DERA: variants seen among roughly 807,000 people sequenced by gnomAD.
DERA encodes 2-deoxy-D-ribose 5-phosphate aldolase.
A neutral mutation model predicts 41.1 loss-of-function variants in DERA; 15 were observed. The ratio of observed to expected loss-of-function variants is 0.37; its 90% CI spans 0.24 to 0.56. The LOEUF (loss-of-function observed/expected upper bound fraction) is 0.56. DERA is among the 20% of genes least tolerant of loss of function. The pLI is 0.81. For synonymous variants in DERA, 139 were observed against 137.4 expected, an observed-to-expected ratio of 1.01 and a Z score of -0.08; for missense variants, 396 against 403.4, an observed-to-expected ratio of 0.98 and a Z score of 0.16.
At position 15,959,964 on chromosome 12, in the gene DERA, T is replaced by C. The variant is rs59802633; in HGVS notation, c.373+40T>C. ...GGCTTTTGTTGTTATTTTTTAAACA[T>C]GTTTCCAGTTCTTCATACAATGGGG... On this transcript the variant is annotated intron_variant, in intron 4 of 8. Transcript: ENST00000428559. The surrounding 1 kb of genome is among the most constrained non-coding windows in gnomAD (Gnocchi z 4.5). The C allele has an allele frequency of 3.3e-3, 4,782 of 1,450,324 alleles. 138 individuals carry two copies. In the African/African-American group the frequency reaches 0.059, roughly 18 times the overall value. 89.8% of individuals were successfully genotyped at this position (1,450,324 alleles called of 1,614,324 possible).
intron 4 of DERA, among the ~76,000 whole-genome samples, chr12:15,961,688 T>G (rs1565597255): frequency 6.6e-6 from 1 of 152,236 alleles, no homozygotes. Flanking sequence ...GTTCAGTTTT[T>G]GCTTTAAACA....
At position 15,982,553 on chromosome 12, in the gene DERA, G is replaced by A. The variant is rs1005550812; in HGVS notation, c.637+117G>A. The A allele has an allele frequency of 3.4e-5, 36 of 1,056,902 alleles. No homozygotes were observed. Among genetic ancestry groups the A allele is most frequent in the Middle Eastern group, 3.3e-4 (1 of 3,076 alleles). The allele number at this position is 1,056,902 out of a possible 1,614,324, so 65.5% of individuals were successfully genotyped here. A position where few individuals can be genotyped will look rare whatever the true frequency, so the allele number is the denominator to read the frequency against. On this transcript the variant is annotated intron_variant, in intron 6 of 8. Transcript: ENST00000428559. The surrounding 1 kb of genome is among the most constrained non-coding windows in gnomAD (Gnocchi z 4.0). ...TGCTAACCACTTGGAATTTTTTTGC[G>A]GGAGGAATCGGATATTTTGTAAAAA...
Position 15,911,485 on chromosome 12 carries a change from G to A in DERA, c.31+71G>A. 2.2e-6 allele frequency: 3 copies of A among 1,362,568 alleles called. No homozygotes were observed. Among genetic ancestry groups the A allele is most frequent in the Non-Finnish European group, 2.9e-6 (3 of 1,040,650 alleles). 84.4% of individuals were successfully genotyped at this position (1,362,568 alleles called of 1,614,324 possible). ...CGCCGCCGGGACTAGCGCGGGGCCTGCTGCCGCCCAGTGCCCTGGCTGTGG... is the reference window on the plus strand; with the variant it reads ...CGCCGCCGGGACTAGCGCGGGGCCTACTGCCGCCCAGTGCCCTGGCTGTGG... On this transcript the variant is annotated intron_variant, in intron 1 of 8. Coordinates refer to ENST00000428559, the MANE Select transcript of DERA (RefSeq NM_015954.4). This position sits in a 1 kb window ranked among gnomAD's most constrained non-coding sequence, Gnocchi z 4.5.
rs920653366 is a variant in DERA at position 16,021,866 on chromosome 12, A to G, written c.638-10676A>G. On this transcript the variant is annotated intron_variant, in intron 6 of 8. Transcript: ENST00000428559. This position sits in a 1 kb window ranked among gnomAD's most constrained non-coding sequence, Gnocchi z 5.3. ...TTTGCCACAATTGTATCTTGGAAGT[A>G]TAACTTGTTTTTGATCTCAGGCTGA... is the stretch of plus-strand genomic sequence containing the variant. Among the ~76,000 whole-genome samples the G allele has an allele frequency of 1.3e-5, 2 of 152,172 alleles. No individual in the cohort carries two copies. Among genetic ancestry groups the G allele is most frequent in the African/African-American group, 4.8e-5 (2 of 41,432 alleles).
At position 15,996,644 on chromosome 12, in the gene DERA, C is replaced by T. The variant is rs1948840074; in HGVS notation, c.637+14208C>T. Among the ~76,000 whole-genome samples the T allele has an allele frequency of 6.6e-6, 1 of 152,124 alleles. No homozygotes were observed. Among genetic ancestry groups the T allele is most frequent in the South Asian group, 2.1e-4 (1 of 4,824 alleles). ...CCCTCTTTCCAAATAAGGTCTCTTC[C>T]TGAGGTATTGAGGGGTGAGATTTTG... On this transcript the variant is annotated intron_variant, in intron 6 of 8. Transcript: ENST00000428559. This position sits in a 1 kb window ranked among gnomAD's most constrained non-coding sequence, Gnocchi z 4.7.
intron 1 of DERA, among the ~76,000 whole-genome samples, chr12:15,916,677 T>A (rs1200857157): frequency 1.3e-5 from 2 of 151,996 alleles, no homozygotes; most frequent in Non-Finnish European, 1.5e-5. Flanking sequence ...TCTTGAACTC[T>A]TGACCTCAGG....
chr12:16,019,782 A>G lies in DERA; in HGVS notation c.638-12760A>G, dbSNP rs547928594. On this transcript the variant is annotated intron_variant, in intron 6 of 8. Transcript: ENST00000428559. The surrounding 1 kb of genome is among the most constrained non-coding windows in gnomAD (Gnocchi z 4.4). ...TGATCCTTTGTAATTCTTATTGATC[A>G]TAATACTTACTGGGCATATGATATA... 2.0e-5 allele frequency among the ~76,000 whole-genome samples: 3 copies of G among 152,300 alleles called. No homozygotes were observed. The South Asian group carries it at 6.2e-4, about 32-fold the overall frequency.
At position 15,935,246 on chromosome 12, in the gene DERA, G is replaced by A. The variant is rs149338305; in HGVS notation, c.32-21690G>A. On this transcript the variant is annotated intron_variant, in intron 1 of 8. Transcript: ENST00000428559. This position sits in a 1 kb window ranked among gnomAD's most constrained non-coding sequence, Gnocchi z 4.8. Reference sequence around the variant, plus strand: ...TCATGCCTGTAATCTCAGCACTTTGGGAGGCTGAGGTGGGTGGATCACTTG... The same window carrying A: ...TCATGCCTGTAATCTCAGCACTTTGAGAGGCTGAGGTGGGTGGATCACTTG... 4.2e-3 allele frequency among the ~76,000 whole-genome samples: 645 copies of A among 152,230 alleles called. No homozygotes were observed. Among genetic ancestry groups the A allele is most frequent in the Admixed American group, 6.5e-3 (100 of 15,300 alleles).
At chr12:15,960,289 C>T (rs990731377) in intron 4 of DERA, among the ~76,000 whole-genome samples, 1 of 149,616 alleles carries the variant, frequency 6.7e-6, no homozygotes, top group Non-Finnish European at 1.5e-5. Context: ...TATATACATA[C>T]TAACACACAC....
rs1231087081 is a variant in DERA, at chr12:15,984,640, C to T, written c.637+2204C>T. On this transcript the variant is annotated intron_variant, in intron 6 of 8. Coordinates refer to ENST00000428559, the MANE Select transcript of DERA (RefSeq NM_015954.4). This position sits in a 1 kb window ranked among gnomAD's most constrained non-coding sequence, Gnocchi z 4.5. ...ATCACTATTTGAACACTCTGGTCTT[C>T]TGGCTCCAGATTTATTGCTTTTTCA... is the stretch of plus-strand genomic sequence containing the variant. 6.6e-6 allele frequency among the ~76,000 whole-genome samples: 1 copy of T among 152,102 alleles called. No individual in the cohort carries two copies. The highest frequency in any genetic ancestry group is 1.9e-4 in the East Asian group (1 of 5,182).
Position 15,998,341 on chromosome 12 carries a change from G to A in DERA, c.637+15905G>A, listed in dbSNP as rs985560061. On this transcript the variant is annotated intron_variant, in intron 6 of 8. Transcript: ENST00000428559. The surrounding 1 kb of genome is among the most constrained non-coding windows in gnomAD (Gnocchi z 4.8). The stretch of plus-strand genomic sequence containing the variant: ...TTTATTTATTTATTTATTTAGAGAC[G>A]GAGTCTAGCTGTGTCGCCCAGGCTA... Among the ~76,000 whole-genome samples the A allele has an allele frequency of 4.6e-5, 7 of 151,834 alleles. No homozygotes were observed. Among genetic ancestry groups the A allele is most frequent in the Admixed American group, 1.3e-4 (2 of 15,226 alleles).
rs899234727 is a variant in DERA, at chr12:16,017,954, T to A, written c.638-14588T>A. On this transcript the variant is annotated intron_variant, in intron 6 of 8. Transcript: ENST00000428559. This position sits in a 1 kb window ranked among gnomAD's most constrained non-coding sequence, Gnocchi z 5.5. Reference sequence around the variant, plus strand: ...GAAGTATAAAATGTTAATAATACCTTCCACTGTGCTGTTCTTTTGTAGCAT... The same window carrying A: ...GAAGTATAAAATGTTAATAATACCTACCACTGTGCTGTTCTTTTGTAGCAT... Among the ~76,000 whole-genome samples the A allele has an allele frequency of 6.6e-6, 1 of 152,194 alleles. No individual in the cohort carries two copies. Among genetic ancestry groups the A allele is most frequent in the Non-Finnish European group, 1.5e-5 (1 of 68,014 alleles).
intron 5 of DERA, among the ~76,000 whole-genome samples, chr12:15,968,087 T>C (rs75664194): frequency 6.2e-5 from 5 of 80,652 alleles, no homozygotes; most frequent in Non-Finnish European, 1.5e-4. Flanking sequence ...CTTCTTCTTC[T>C]TTTTTTTTTT....
intron 5 of DERA, among the ~76,000 whole-genome samples, chr12:15,977,075 T>A (rs1459950339): frequency 1.3e-5 from 2 of 152,138 alleles, no homozygotes; most frequent in African/African-American, 2.4e-5. Context: ...AAATTTAGTA[T>A]CTTATGTTTC....
Position 15,911,468 on chromosome 12 carries a change from G to A in DERA, c.31+54G>A. ...CTCTCCCTCGCGTTCAGCGCCGCCG[G>A]GACTAGCGCGGGGCCTGCTGCCGCC... On this transcript the variant is annotated intron_variant, in intron 1 of 8. Coordinates refer to ENST00000428559, the MANE Select transcript of DERA (RefSeq NM_015954.4). The surrounding 1 kb of genome is among the most constrained non-coding windows in gnomAD (Gnocchi z 4.5). 7.2e-7 allele frequency: 1 copy of A among 1,398,130 alleles called. No homozygotes were observed. The highest frequency in any genetic ancestry group is 9.3e-7 in the Non-Finnish European group (1 of 1,075,074). The allele number at this position is 1,398,130 out of a possible 1,614,324, so 86.6% of individuals were successfully genotyped here. A position where few individuals can be genotyped will look rare whatever the true frequency, so the allele number is the denominator to read the frequency against.
In DERA at chr12:16,026,505, A is replaced by G. The variant is rs1010061309; in HGVS notation, c.638-6037A>G. ...AAGGAGAAATAGTCTGAATAGGTCT[A>G]TATCTATTAAAGAAATTATTTAAAT... On this transcript the variant is annotated intron_variant, in intron 6 of 8. Coordinates refer to ENST00000428559, the MANE Select transcript of DERA (RefSeq NM_015954.4). This position sits in a 1 kb window ranked among gnomAD's most constrained non-coding sequence, Gnocchi z 4.4. Among the ~76,000 whole-genome samples, 2 of 151,476 alleles carry G rather than the reference A, an allele frequency of 1.3e-5. No homozygotes were observed. Among genetic ancestry groups the G allele is most frequent in the East Asian group, 1.9e-4 (1 of 5,200 alleles).
intron 1 of DERA, among the ~76,000 whole-genome samples, chr12:15,945,385 TTGTG>T (rs1183339764): frequency 6.6e-6 from 1 of 152,238 alleles, no homozygotes; most frequent in East Asian, 1.9e-4. Flanking sequence ...TTCCATTTGT[TTGTG>T]TCCTCTTTGA....
chr12:15,960,247 A>T (rs1948574666), intron 4 of DERA, among the ~76,000 whole-genome samples: 1 of 150,260 alleles, frequency 6.7e-6, no homozygotes, highest in Non-Finnish European at 1.5e-5. Context: ...ATATATGTAT[A>T]TGTATATATA....
At position 15,984,350 on chromosome 12, in the gene DERA, T is replaced by C. The variant is rs1353377706; in HGVS notation, c.637+1914T>C. On this transcript the variant is annotated intron_variant, in intron 6 of 8. Transcript: ENST00000428559. The surrounding 1 kb of genome is among the most constrained non-coding windows in gnomAD (Gnocchi z 4.5). ...GCTGTGTCCCACCCTCCACCCATCCTGTCCACAGAAAAAAATGTGATTATA... is the reference window on the plus strand; with the variant it reads ...GCTGTGTCCCACCCTCCACCCATCCCGTCCACAGAAAAAAATGTGATTATA... Among the ~76,000 whole-genome samples, 4 of 152,192 alleles carry C rather than the reference T, an allele frequency of 2.6e-5. No homozygotes were observed. The highest frequency in any genetic ancestry group is 2.6e-4 in the Admixed American group (4 of 15,282).
Sources: allele counts gnomAD v4.1 joint callset (sites outside exome capture counted in the v4.1 genomes callset), GRCh38; gene constraint gnomAD v4.1.1; non-coding constraint Gnocchi (gnomAD v3.1); transcripts MANE v1.5; gene names NCBI Gene and HGNC (gene_info 2026-07-23, HGNC 2026-07-21).